The following ZNF460 variants were observed in gnomAD, a reference collection of about 807,000 sequenced individuals.
ZNF460 encodes zinc finger protein 272.
Under a neutral mutation model 8.4 loss-of-function variants are expected in ZNF460, and 1 was observed. That is an observed-to-expected ratio of 0.12 (90% CI 0.04 to 0.56). The LOEUF (loss-of-function observed/expected upper bound fraction) is 0.56. ZNF460 is among the 20% of genes least tolerant of loss of function. The probability of loss-of-function intolerance (pLI) is 0.91; values close to 1 mark genes in which losing one functional copy is unlikely to be tolerated. For synonymous variants in ZNF460, 262 were observed against 259.9 expected (o/e 1.01, Z -0.08); for missense variants, 477 against 714.8 (o/e 0.67, Z 3.79).
At position 57,292,201 on chromosome 19, in the gene ZNF460, T is replaced by G; in HGVS notation, c.1660T>G (p.Phe554Val). The G allele has an allele frequency of 1.2e-6, 2 of 1,613,268 alleles. No individual in the cohort carries two copies. The highest frequency in any genetic ancestry group is 1.7e-6 in the Non-Finnish European group (2 of 1,179,294). Reference sequence around the variant, plus strand: ...TTCCTCCTCACTCGACATCAACGGATTCATAGTGGAAGAAACCCTACCATT... The same window carrying G: ...TTCCTCCTCACTCGACATCAACGGAGTCATAGTGGAAGAAACCCTACCATT... ...AHSSSLDING[F>V]IVEETLPL Residue 554 changes from phenylalanine to valine, a missense_variant, in exon 3 of 3, where the codon TTC becomes GTC. Transcript: ENST00000360338.
At chr19:57,281,090 T>C (rs572258268) in intron 1 of ZNF460, among the ~76,000 whole-genome samples, 2 of 152,288 alleles carry the variant, frequency 1.3e-5, no homozygotes, top group African/African-American at 4.8e-5. Flanking sequence ...TCCAACCTTC[T>C]CTGTTGCCTG....
intron 2 of ZNF460, among the ~76,000 whole-genome samples, chr19:57,287,268 C>T (rs2087886291): frequency 6.6e-6 from 1 of 152,100 alleles, no homozygotes; most frequent in Non-Finnish European, 1.5e-5. Context: ...TGTAGTTTCT[C>T]ATTGTATGTG....
Position 57,291,685 on chromosome 19 carries a change from C to T in ZNF460, c.1144C>T (p.His382Tyr), listed in dbSNP as rs2087919079. 1 of 1,613,966 alleles carries T rather than the reference C, an allele frequency of 6.2e-7. No individual in the cohort carries two copies. The highest frequency in any genetic ancestry group is 8.5e-7 in the Non-Finnish European group (1 of 1,179,974). Residue 382 changes from histidine to tyrosine, a missense_variant, in exon 3 of 3, where the codon CAT (histidine) becomes TAT (tyrosine). His to Tyr is a moderately conservative substitution (Grantham distance 83). Transcript: ENST00000360338. This position sits in a 1 kb window ranked among gnomAD's most constrained non-coding sequence, Gnocchi z 8.4. ...CACTCACTATTCCACCTATGTCCTG[C>T]ATGAAAGAGCCCACACTGGAGAAAA... The part of the protein sequence containing the change: ...AFTHYSTYVL[H>Y]ERAHTGEKPF...
Position 57,293,952 on chromosome 19 carries a change from A to G in ZNF460, c.*1722A>G, listed in dbSNP as rs1368990993. ...ATTTTTCATGGCTGAGTAGTATTCC[A>G]TTGTGTATATATGCCATGTTTTCTT... On this transcript the variant is annotated 3_prime_UTR_variant, in exon 3 of 3. Transcript: ENST00000360338. The G allele has an allele frequency of 6.6e-6, 1 of 152,190 alleles. No homozygotes were observed. The highest frequency in any genetic ancestry group is 1.9e-4 in the East Asian group (1 of 5,204). 9.4% of individuals were successfully genotyped at this position (152,190 alleles called of 1,614,324 possible).
At chr19:57,282,524 G>A (rs2087847572) in intron 1 of ZNF460, among the ~76,000 whole-genome samples, 1 of 152,214 alleles carries the variant, frequency 6.6e-6, no homozygotes, top group African/African-American at 2.4e-5. Flanking sequence ...TGGTGAGGTG[G>A]ATGATGATGA....
chr19:57,283,147 T>C (rs201080121), intron 1 of ZNF460, among the ~76,000 whole-genome samples: 1 of 42,982 alleles, frequency 2.3e-5, no homozygotes, highest in Non-Finnish European at 4.1e-5. Context: ...GTTTGTTTGT[T>C]TTTTTTTTTT....
chr19:57,286,471 C>T (rs1217830494), intron 2 of ZNF460, among the ~76,000 whole-genome samples: 6 of 152,016 alleles, frequency 3.9e-5, no homozygotes, highest in Non-Finnish European at 8.8e-5. Flanking sequence ...CTCTGAGATA[C>T]AACAATAATG....
In ZNF460 at chr19:57,291,531, T is replaced by C; in HGVS notation, c.990T>C (p.His330=). ...STALIQHFII[H]TGERPFKCLE... Reference sequence around the variant, plus strand: ...CCCTCATTCAACACTTCATTATCCATACTGGGGAGAGGCCCTTTAAGTGCC... The same window carrying C: ...CCCTCATTCAACACTTCATTATCCACACTGGGGAGAGGCCCTTTAAGTGCC... The change falls in exon 3 of 3, where the codon CAT becomes CAC. Residue 330 remains histidine, a synonymous_variant. Transcript: ENST00000360338. The surrounding 1 kb of genome is among the most constrained non-coding windows in gnomAD (Gnocchi z 8.4). 6.2e-7 allele frequency: 1 copy of C among 1,613,934 alleles called. No homozygotes were observed.
At position 57,291,353 on chromosome 19, in the gene ZNF460, A is replaced by G; in HGVS notation, c.812A>G (p.Gln271Arg). 1.9e-6 allele frequency: 3 copies of G among 1,614,096 alleles called. No individual in the cohort carries two copies. Among genetic ancestry groups the G allele is most frequent in the Non-Finnish European group, 2.5e-6 (3 of 1,179,998 alleles). Residue 271 changes from glutamine to arginine, a missense_variant, in exon 3 of 3, where the codon CAG (glutamine) becomes CGG (arginine). Physicochemically the swap from Gln to Arg is conservative, Grantham distance 43 (BLOSUM62 1). Around this residue, in one of 5 missense-constraint regions of ZNF460, gnomAD observed 193 missense variants for 391.7 expected, o/e 0.49. Coordinates refer to ENST00000360338, the MANE Select transcript of ZNF460 (RefSeq NM_006635.4). This position sits in a 1 kb window ranked among gnomAD's most constrained non-coding sequence, Gnocchi z 8.4. ...FNRGSHLTRH[Q>R]RVHSGEKPFV... ...CGCGGGTCGCACCTTACACGGCACC[A>G]GCGGGTTCACAGTGGAGAGAAGCCT...
Position 57,292,388 on chromosome 19 carries a change from T to C in ZNF460, c.*158T>C, listed in dbSNP as rs930500077. ...CTGAAGAGAAACTCCATAAGTATCA[T>C]CTCTGTGGGAAAACCTGTTTTAGAT... On this transcript the variant is annotated 3_prime_UTR_variant, in exon 3 of 3. Coordinates refer to ENST00000360338, the MANE Select transcript of ZNF460 (RefSeq NM_006635.4). 3 of 756,996 alleles carry C rather than the reference T, an allele frequency of 4.0e-6. No individual in the cohort carries two copies. The African/African-American group carries it at 5.3e-5, about 13-fold the overall frequency. 46.9% of individuals were successfully genotyped at this position (756,996 alleles called of 1,614,324 possible). A position where few individuals can be genotyped will look rare whatever the true frequency, so the allele number is the denominator to read the frequency against.
chr19:57,280,680 C>T lies in ZNF460; in HGVS notation c.-127C>T. Reference sequence around the variant, plus strand: ...GCCCTCCGTCTCCTCAGCCCCGACGCTGCGCCTTGGGCCTTGTGCGCATTT... The same window carrying T: ...GCCCTCCGTCTCCTCAGCCCCGACGTTGCGCCTTGGGCCTTGTGCGCATTT... On this transcript the variant is annotated 5_prime_UTR_variant, in exon 1 of 3. Coordinates refer to ENST00000360338, the MANE Select transcript of ZNF460 (RefSeq NM_006635.4). 1 of 1,392,060 alleles carries T rather than the reference C, an allele frequency of 7.2e-7. No individual in the cohort carries two copies. The allele number at this position is 1,392,060 out of a possible 1,614,324, so 86.2% of individuals were successfully genotyped here. A position where few individuals can be genotyped will look rare whatever the true frequency, so the allele number is the denominator to read the frequency against.
At position 57,280,581 on chromosome 19, in the gene ZNF460, G is replaced by T. The variant is rs1029777700; in HGVS notation, c.-226G>T. The T allele has an allele frequency of 1.0e-5, 6 of 599,160 alleles. No homozygotes were observed. Among genetic ancestry groups the T allele is most frequent in the African/African-American group, 1.9e-5 (1 of 53,440 alleles). 37.1% of individuals were successfully genotyped at this position (599,160 alleles called of 1,614,324 possible). ...TTACGCCCCTTCTTCGCGTCTTGGC[G>T]GGAGCCTGACGCCCCGCTTCTCCCC... On this transcript the variant is annotated 5_prime_UTR_variant, in exon 1 of 3. Coordinates refer to ENST00000360338, the MANE Select transcript of ZNF460 (RefSeq NM_006635.4).
intron 1 of ZNF460, among the ~76,000 whole-genome samples, chr19:57,283,645 GCT>G (rs1216074102): frequency 6.6e-6 from 1 of 151,102 alleles, no homozygotes; most frequent in Non-Finnish European, 1.5e-5. Context: ...GGGATTGCAG[GCT>G]TGTGCCACCA....
intron 2 of ZNF460, among the ~76,000 whole-genome samples, chr19:57,286,962 CAAA>C (rs35363381): frequency 8.1e-4 from 83 of 102,256 alleles, no homozygotes; most frequent in African/African-American, 1.6e-3. Flanking sequence ...GACTCTGTCT[CAAA>C]AAAAAAAAAA....
In ZNF460 at chr19:57,292,500, C is replaced by T. The variant is rs567720216; in HGVS notation, c.*270C>T. 1.8e-5 allele frequency: 7 copies of T among 378,654 alleles called. No individual in the cohort carries two copies. Among genetic ancestry groups the T allele is most frequent in the Middle Eastern group, 7.6e-4 (1 of 1,318 alleles). 23.5% of individuals were successfully genotyped at this position (378,654 alleles called of 1,614,324 possible). A position where few individuals can be genotyped will look rare whatever the true frequency, so the allele number is the denominator to read the frequency against. ...TCTGATAATTCACCCATGAAAGAGA[C>T]CCAGTGGTTACTGTGCACTTAGGAA... On this transcript the variant is annotated 3_prime_UTR_variant, in exon 3 of 3. Transcript: ENST00000360338.
At position 57,291,930 on chromosome 19, in the gene ZNF460, G is replaced by A. The variant is rs1399570963; in HGVS notation, c.1389G>A (p.Leu463=). 1 of 1,611,978 alleles carries A rather than the reference G, an allele frequency of 6.2e-7. No homozygotes were observed. The highest frequency in any genetic ancestry group is 8.5e-7 in the Non-Finnish European group (1 of 1,179,422). ...AAGCCTTTTGTCGGACCACAAACCT[G>A]ATTCGACACTTTAGCATCCACACTG... is the stretch of plus-strand genomic sequence containing the variant. ...CGKAFCRTTN[L]IRHFSIHTGE... The change falls in exon 3 of 3, where the codon CTG becomes CTA. Residue 463 remains leucine (L), a synonymous_variant. Coordinates refer to ENST00000360338, the MANE Select transcript of ZNF460 (RefSeq NM_006635.4). The surrounding 1 kb of genome is among the most constrained non-coding windows in gnomAD (Gnocchi z 8.4).
chr19:57,280,912 C>G, intron 1 of ZNF460, 76 bp downstream of exon 1: 4 of 1,588,192 alleles, frequency 2.5e-6, no homozygotes, highest in Non-Finnish European at 3.4e-6. Context: ...GAAGCCAAGA[C>G]AGCCACAGGA....
Position 57,291,595 on chromosome 19 carries a change from A to G in ZNF460, c.1054A>G (p.Lys352Glu). The change falls in exon 3 of 3, where the codon AAG (lysine) becomes GAG (glutamate). Residue 352 changes from lysine (K) to glutamate (E), a missense_variant. Around this residue, in one of 5 missense-constraint regions of ZNF460, gnomAD observed 193 missense variants for 391.7 expected, o/e 0.49. Coordinates refer to ENST00000360338, the MANE Select transcript of ZNF460 (RefSeq NM_006635.4). This position sits in a 1 kb window ranked among gnomAD's most constrained non-coding sequence, Gnocchi z 8.4. ...GGCCTTCAACTGCAGGTCACACCTC[A>G]AGCAGCATGAGCGGATTCACACTGG... The part of the protein sequence containing the change: ...GKAFNCRSHL[K>E]QHERIHTGEK... 2 of 1,613,968 alleles carry G rather than the reference A, an allele frequency of 1.2e-6. No homozygotes were observed. Among genetic ancestry groups the G allele is most frequent in the Non-Finnish European group, 1.7e-6 (2 of 1,180,006 alleles).
At chr19:57,288,875 CT>C (rs2087896734) in intron 2 of ZNF460, among the ~76,000 whole-genome samples, 1 of 149,312 alleles carries the variant, frequency 6.7e-6, no homozygotes, top group South Asian at 2.1e-4. Flanking sequence ...TCCACACATT[CT>C]TTTTATTTAT....
Sources: gnomAD v4.1 joint callset for allele counts (sites outside exome capture counted in the v4.1 genomes callset) on GRCh38, gnomAD v4.1.1 for gene constraint, gnomAD v4.1.1 regional missense constraint, Gnocchi (gnomAD v3.1) non-coding constraint, MANE v1.5 for transcripts, NCBI Gene and HGNC (gene_info 2026-07-23, HGNC 2026-07-21) for gene names.